FAM228B: variants seen among roughly 807,000 people sequenced by gnomAD.
The protein encoded by FAM228B is protein FAM228B.
FAM228B carries 38 observed loss-of-function variants against 42.6 expected under a neutral mutation model. The ratio of observed to expected loss-of-function variants is 0.89; its 90% CI spans 0.69 to 1.17. The LOEUF is 1.17. Ranked by LOEUF, FAM228B falls within the 50% of genes most tolerant of loss-of-function variation. The pLI is 0.00. For missense variants in FAM228B, 344 were observed against 367.3 expected (o/e 0.94, Z 0.52); for synonymous variants, 109 against 122.3 (o/e 0.89, Z 0.72).
At chr2:24,168,050 T>G (rs971732220) in intron 10 of FAM228B, 1 of 239,194 alleles carries the variant, frequency 4.2e-6, no homozygotes, top group East Asian at 8.6e-5. Flanking sequence ...GAACATAGCC[T>G]CTATCACCTA....
chr2:24,137,030 C>A (rs187557923), intron 3 of FAM228B, among the ~76,000 whole-genome samples: 7 of 152,188 alleles, frequency 4.6e-5, no homozygotes, highest in Admixed American at 4.6e-4. Flanking sequence ...ACTATTTGTC[C>A]ATTTGTGTCT....
At position 24,080,599 on chromosome 2, in the gene FAM228B, T is replaced by C. The variant is rs1407242485; in HGVS notation, c.-289-277T>C. Reference sequence around the variant, plus strand: ...CTGCATGGTCTAAAGTGTGGATGAATCTTATCTCTTGCAAGAATGCACATG... The same window carrying C: ...CTGCATGGTCTAAAGTGTGGATGAACCTTATCTCTTGCAAGAATGCACATG... On this transcript the variant is annotated intron_variant, in intron 1 of 10. Transcript: ENST00000613899. This position sits in a 1 kb window ranked among gnomAD's most constrained non-coding sequence, Gnocchi z 4.7. The C allele has an allele frequency of 6.7e-6, 4 of 598,226 alleles. No homozygotes were observed. The highest frequency in any genetic ancestry group is 5.9e-5 in the East Asian group (2 of 33,992). The allele number at this position is 598,226 out of a possible 1,614,324, so 37.1% of individuals were successfully genotyped here.
chr2:24,079,078 GCTTA>G (rs1664883876), intron 1 of FAM228B: 1 of 189,272 alleles, frequency 5.3e-6, no homozygotes, highest in Non-Finnish European at 1.1e-5. Context: ...GAAGGCCAAG[GCTTA>G]CTTATTTTTT....
At chr2:24,090,685 A>ATT (rs1240331042) in intron 2 of FAM228B, among the ~76,000 whole-genome samples, 2 of 152,204 alleles carry the variant, frequency 1.3e-5, no homozygotes, top group African/African-American at 4.8e-5. Flanking sequence ...TTAAAGGAGA[A>ATT]AACACCATAT....
rs1458700999 is a variant in FAM228B, at chr2:24,084,389, G to GGC, written c.-210+3434_-210+3435insGC. 144 of 1,332,278 alleles carry GGC rather than the reference G, an allele frequency of 1.1e-4. 3 individuals carry two copies. Among genetic ancestry groups the GGC allele is most frequent in the South Asian group, 1.4e-4 (11 of 76,424 alleles). 82.5% of individuals were successfully genotyped at this position (1,332,278 alleles called of 1,614,324 possible). ...GACAGGGCAGGGCAGGGCAGGACAG[G>GGC]ACAGGGCAGGGCAGGACAGGACAGG... On this transcript the variant is annotated intron_variant, in intron 2 of 10. Coordinates refer to the FAM228B transcript ENST00000613899. The surrounding 1 kb of genome is among the most constrained non-coding windows in gnomAD (Gnocchi z 8.4).
intron 2 of FAM228B, among the ~76,000 whole-genome samples, chr2:24,125,722 G>C (rs1202330966): frequency 1.3e-5 from 2 of 152,022 alleles, no homozygotes; most frequent in Non-Finnish European, 2.9e-5. Flanking sequence ...CACCACACCT[G>C]GCTAATTTTT....
intron 3 of FAM228B, among the ~76,000 whole-genome samples, chr2:24,104,144 G>A (rs1252937510): frequency 2.0e-5 from 3 of 152,212 alleles, no homozygotes; most frequent in Non-Finnish European, 2.9e-5. Flanking sequence ...TTTGGGCTCA[G>A]CATGGAGCCA....
chr2:24,126,988 T>G (rs973862498), intron 2 of FAM228B, among the ~76,000 whole-genome samples: 7 of 152,150 alleles, frequency 4.6e-5, no homozygotes, highest in Admixed American at 6.5e-5. Flanking sequence ...TTCAGAATTT[T>G]TATTTTCAGT....
intron 2 of FAM228B, 108 bp downstream of exon 2, chr2:24,124,568 A>G (rs1573758047): frequency 1.5e-6 from 1 of 651,064 alleles, no homozygotes; most frequent in East Asian, 2.9e-5. Flanking sequence ...TTTTTATTTC[A>G]TTCTGTTTAT....
intron 3 of FAM228B, among the ~76,000 whole-genome samples, chr2:24,116,101 G>A (rs1665908678): frequency 6.6e-6 from 1 of 151,938 alleles, no homozygotes; most frequent in African/African-American, 2.4e-5. Context: ...GGCCGAGGTG[G>A]GTTGATCATG....
At chr2:24,107,313 C>A (rs569205666) in intron 3 of FAM228B, among the ~76,000 whole-genome samples, 133 of 152,226 alleles carry the variant, frequency 8.7e-4, no homozygotes, top group Non-Finnish European at 3.4e-4. Flanking sequence ...GATTTAGATT[C>A]CCACACAATA....
chr2:24,147,836 G>A (rs1008401294), intron 7 of FAM228B, among the ~76,000 whole-genome samples: 2 of 150,852 alleles, frequency 1.3e-5, no homozygotes, highest in African/African-American at 4.9e-5. Context: ...TCCCTATCTG[G>A]TAGTTCTAAT....
intron 9 of FAM228B, among the ~76,000 whole-genome samples, chr2:24,166,957 G>A (rs1667431691): frequency 6.6e-6 from 1 of 152,086 alleles, no homozygotes; most frequent in Admixed American, 6.5e-5. Context: ...TGCTGAGAGA[G>A]GGCGGGAGGT....
In FAM228B at chr2:24,084,393, G is replaced by A; in HGVS notation, c.-210+3438G>A. On this transcript the variant is annotated intron_variant, in intron 2 of 10. Transcript: ENST00000613899. The surrounding 1 kb of genome is among the most constrained non-coding windows in gnomAD (Gnocchi z 8.4). ...GGGCAGGGCAGGGCAGGACAGGACAGGGCAGGGCAGGACAGGACAGGGCAG... is the reference window on the plus strand; with the variant it reads ...GGGCAGGGCAGGGCAGGACAGGACAAGGCAGGGCAGGACAGGACAGGGCAG... 1.3e-6 allele frequency: 2 copies of A among 1,512,272 alleles called. No individual in the cohort carries two copies. The highest frequency in any genetic ancestry group is 1.4e-5 in the African/African-American group (1 of 73,532). 93.7% of individuals were successfully genotyped at this position (1,512,272 alleles called of 1,614,324 possible). A position where few individuals can be genotyped will look rare whatever the true frequency, so the allele number is the denominator to read the frequency against.
At chr2:24,093,279 G>T (rs368632209) in intron 2 of FAM228B, among the ~76,000 whole-genome samples, 17 of 152,226 alleles carry the variant, frequency 1.1e-4, no homozygotes, top group African/African-American at 4.1e-4. Flanking sequence ...TCAGGTGTTT[G>T]TCCTAATGCT....
At position 24,084,519 on chromosome 2, in the gene FAM228B, T is replaced by A; in HGVS notation, c.-210+3564T>A. ...GCCCTGGTCTGCCGCGGACCCGGCC[T>A]CCGCCCCGAGCTCCTGCCTGGGAAG... On this transcript the variant is annotated intron_variant, in intron 2 of 10. Coordinates refer to the FAM228B transcript ENST00000613899. This position sits in a 1 kb window ranked among gnomAD's most constrained non-coding sequence, Gnocchi z 8.4. 1 of 722,834 alleles carries A rather than the reference T, an allele frequency of 1.4e-6. No individual in the cohort carries two copies. The highest frequency in any genetic ancestry group is 2.4e-5 in the South Asian group (1 of 40,976). The allele number at this position is 722,834 out of a possible 1,614,324, so 44.8% of individuals were successfully genotyped here.
chr2:24,104,318 T>G (rs1225840413), intron 3 of FAM228B, among the ~76,000 whole-genome samples: 1 of 152,184 alleles, frequency 6.6e-6, no homozygotes, highest in African/African-American at 2.4e-5. Context: ...TCAGACGTAT[T>G]ATAGGGCCAA....
chr2:24,119,486 C>A, upstream of FAM228B: 1 of 882,880 alleles, frequency 1.1e-6, no homozygotes, highest in East Asian at 2.5e-5. Context: ...TCCTTTCTGC[C>A]CTAGCTGGTT....
chr2:24,159,968 G>A (rs1164950662), intron 7 of FAM228B, among the ~76,000 whole-genome samples: 2 of 151,018 alleles, frequency 1.3e-5, no homozygotes, highest in East Asian at 1.9e-4. Context: ...TGGTGTCTGG[G>A]TATGGGTTTC....
Sources: gnomAD v4.1 joint callset for allele counts (sites outside exome capture counted in the v4.1 genomes callset) on GRCh38, gnomAD v4.1.1 for gene constraint, Gnocchi (gnomAD v3.1) non-coding constraint, MANE v1.5 for transcripts, NCBI Gene and HGNC (gene_info 2026-07-23, HGNC 2026-07-21) for gene names.